SEMA4C: variants seen among roughly 807,000 people sequenced by gnomAD.
SEMA4C encodes semaphorin-4C.
In SEMA4C, 19 loss-of-function variants were observed where a neutral mutation model predicts 89.0. The ratio of observed to expected loss-of-function variants is 0.21; its 90% CI spans 0.15 to 0.31. The LOEUF (loss-of-function observed/expected upper bound fraction) is 0.31. Ranked by LOEUF, SEMA4C falls within the 10% of genes least tolerant of loss-of-function variation. The probability of loss-of-function intolerance (pLI) is 1.00; values close to 1 mark genes in which losing one functional copy is unlikely to be tolerated. For synonymous variants in SEMA4C, 428 were observed against 472.7 expected (o/e 0.91, Z 1.23); for missense variants, 811 against 1,107.0 (o/e 0.73, Z 3.79).
At chr2:96,869,603 G>T (rs1014821164) in intron 1 of SEMA4C, 4 of 985,174 alleles carry the variant, frequency 4.1e-6, no homozygotes, top group Non-Finnish European at 4.8e-6. Context: ...TCCCGGCCGC[G>T]GACCGGACCG....
chr2:96,870,444 G>C (rs534928977), upstream of SEMA4C: 390 of 903,788 alleles, frequency 4.3e-4, 1 homozygote, highest in African/African-American at 6.8e-3. Context: ...ACTCCCGACC[G>C]TGCAGTTGCA....
At chr2:96,865,576 G>T in intron 5 of SEMA4C, 39 bp from the exon 6 acceptor site, 1 of 1,604,602 alleles carries the variant, frequency 6.2e-7, no homozygotes, top group Non-Finnish European at 8.5e-7. Flanking sequence ...GATGCTTAAG[G>T]GCAGGGCTCT....
intron 1 of SEMA4C, chr2:96,868,378 G>A (rs2080129839): frequency 1.0e-6 from 1 of 986,328 alleles, no homozygotes; most frequent in Non-Finnish European, 1.2e-6. Context: ...GAGGGCATGC[G>A]GTGGGGTAGG....
chr2:96,870,087 G>A (rs1219457109), upstream of SEMA4C: 2 of 965,946 alleles, frequency 2.1e-6, no homozygotes, highest in Non-Finnish European at 2.5e-6. Flanking sequence ...CTCCAGCGCG[G>A]CCGCGGCTCT....
At chr2:96,870,287 G>A, upstream of SEMA4C, 1 of 985,522 alleles carries the variant, frequency 1.0e-6, no homozygotes, top group South Asian at 4.7e-5. Flanking sequence ...AGCAGCCCCG[G>A]GGCTCGGAGT....
Position 96,864,308 on chromosome 2 carries a change from T to G in SEMA4C, c.1037A>C (p.Lys346Thr). 6.2e-7 allele frequency: 1 copy of G among 1,613,984 alleles called. No homozygotes were observed. The highest frequency in any genetic ancestry group is 8.5e-7 in the Non-Finnish European group (1 of 1,180,004). Residue 346 changes from lysine to threonine, a missense_variant, in exon 10 of 15, where the codon AAG becomes ACG. Around this residue, in one of 4 missense-constraint regions of SEMA4C, gnomAD observed 441 missense variants for 664.9 expected, o/e 0.66. Coordinates refer to ENST00000305476, the MANE Select transcript of SEMA4C (RefSeq NM_017789.5). This position sits in a 1 kb window ranked among gnomAD's most constrained non-coding sequence, Gnocchi z 6.3. ...CTTCTGGGCTTCCTCATGGTACTCC[T>G]TATAGGGGCCCTCAAACACCCGCTG... ...EIQRVFEGPY[K>T]EYHEEAQKWD...
intron 12 of SEMA4C, chr2:96,863,420 G>A: frequency 8.1e-7 from 1 of 1,242,130 alleles, no homozygotes; most frequent in Non-Finnish European, 1.0e-6. Context: ...AAACATGGGA[G>A]CAGTTGCCAA....
At chr2:96,869,299 G>C in intron 1 of SEMA4C, 1 of 985,394 alleles carries the variant, frequency 1.0e-6, no homozygotes, top group Non-Finnish European at 1.2e-6. Flanking sequence ...GAGGGGTTGG[G>C]GGGAGGGGTG....
At position 96,861,319 on chromosome 2, in the gene SEMA4C, G is replaced by A. The variant is rs1351534989; in HGVS notation, c.1809C>T (p.Phe603=). The change falls in exon 15 of 15, where the codon TTC becomes TTT. Residue 603 remains phenylalanine (F), a synonymous_variant. Coordinates refer to ENST00000305476, the MANE Select transcript of SEMA4C (RefSeq NM_017789.5). This position sits in a 1 kb window ranked among gnomAD's most constrained non-coding sequence, Gnocchi z 7.8. ...GGGCCTGGAGCCGGGCATCGTAGAG[G>A]AAGGACCCGGGCTGTTCCGCAGGCA... ...RDLPAEQPGS[F]LYDARLQALV... 5 of 1,607,326 alleles carry A rather than the reference G, an allele frequency of 3.1e-6. No homozygotes were observed. In the East Asian group the frequency reaches 1.1e-4, roughly 36 times the overall value.
chr2:96,864,138 T>C lies in SEMA4C; in HGVS notation c.1118A>G (p.Asn373Ser). 6.2e-7 allele frequency: 1 copy of C among 1,612,660 alleles called. No homozygotes were observed. Among genetic ancestry groups the C allele is most frequent in the East Asian group, 2.2e-5 (1 of 44,838 alleles). The stretch of plus-strand genomic sequence containing the variant: ...GGTGTAGCCGTGGCGCCGATGCCAG[T>C]TGTTAATGCACTGGGGGCAGGGTGT... Reference protein sequence around the residue: ...PSPRPGSCINNWHRRHGYTSS... With the variant: ...PSPRPGSCINSWHRRHGYTSS... The change falls in exon 11 of 15, where the codon AAC (asparagine) becomes AGC (serine). Residue 373 changes from asparagine (N) to serine (S), a missense_variant. By Grantham distance (46) the Asn-to-Ser change is conservative. Coordinates refer to ENST00000305476, the MANE Select transcript of SEMA4C (RefSeq NM_017789.5). This position sits in a 1 kb window ranked among gnomAD's most constrained non-coding sequence, Gnocchi z 6.3.
At chr2:96,869,494 G>C in intron 1 of SEMA4C, 1 of 985,280 alleles carries the variant, frequency 1.0e-6, no homozygotes, top group Non-Finnish European at 1.2e-6. Context: ...GGCCGCGGCA[G>C]GGAAATCCGA....
intron 2 of SEMA4C, 59 bp downstream of exon 2, chr2:96,867,719 T>C: frequency 1.3e-6 from 2 of 1,511,398 alleles, no homozygotes; most frequent in Non-Finnish European, 1.8e-6. Flanking sequence ...CAGCACACTA[T>C]GGGGGCAACT....
At chr2:96,863,169 C>T (rs957685611) in intron 12 of SEMA4C, 18 of 876,710 alleles carry the variant, frequency 2.1e-5, no homozygotes, top group African/African-American at 9.1e-5. Flanking sequence ...GAGATCGCGT[C>T]ACTGCACTCT....
At position 96,860,726 on chromosome 2, in the gene SEMA4C, C is replaced by G; in HGVS notation, c.2402G>C (p.Gly801Ala). Residue 801 changes from glycine (G) to alanine (A), a missense_variant, in exon 15 of 15, where the codon GGG (glycine) becomes GCG (alanine). Around this residue, in one of 4 missense-constraint regions of SEMA4C, gnomAD observed 248 missense variants for 269.0 expected, o/e 0.92. Transcript: ENST00000305476. ...GAGCTCAGGCAGGGGGTGCCCGAGCCCTCCCCGGTCCTCCCCTCCTAGTTG... is the reference window on the plus strand; with the variant it reads ...GAGCTCAGGCAGGGGGTGCCCGAGCGCTCCCCGGTCCTCCCCTCCTAGTTG... ...RLQLGGEDRG[G>A]LGHPLPELAD... 1 of 1,613,754 alleles carries G rather than the reference C, an allele frequency of 6.2e-7. No homozygotes were observed. Among genetic ancestry groups the G allele is most frequent in the Non-Finnish European group, 8.5e-7 (1 of 1,179,970 alleles).
In SEMA4C at chr2:96,864,360, T is replaced by A; in HGVS notation, c.985A>T (p.Ile329Phe). 1 of 1,613,860 alleles carries A rather than the reference T, an allele frequency of 6.2e-7. No homozygotes were observed. The highest frequency in any genetic ancestry group is 8.5e-7 in the Non-Finnish European group (1 of 1,180,006). The change falls in exon 10 of 15, where the codon ATC becomes TTC. Residue 329 changes from isoleucine (I) to phenylalanine (F), a missense_variant. Transcript: ENST00000305476. This position sits in a 1 kb window ranked among gnomAD's most constrained non-coding sequence, Gnocchi z 6.3. ...ATCTCTTCCAACTGGTACTCACAGA[T>A]GGCCGACAGGTACATGTCACCCCTG... ...AQWGDMYLSA[I>F]CEYQLEEIQR...
At position 96,864,663 on chromosome 2, in the gene SEMA4C, C is replaced by A. The variant is rs2080028435; in HGVS notation, c.962+42G>T. ...ACCCATGCACCGTCCCTGACCTGAACCCCAGCTCCTCCCCACTCTGTGGGA... is the reference window on the plus strand; with the variant it reads ...ACCCATGCACCGTCCCTGACCTGAAACCCAGCTCCTCCCCACTCTGTGGGA... On this transcript the variant is annotated intron_variant, in intron 9 of 14. Transcript: ENST00000305476. The surrounding 1 kb of genome is among the most constrained non-coding windows in gnomAD (Gnocchi z 6.3). 2 of 1,570,822 alleles carry A rather than the reference C, an allele frequency of 1.3e-6. No homozygotes were observed. Among genetic ancestry groups the A allele is most frequent in the Non-Finnish European group, 1.7e-6 (2 of 1,155,542 alleles).
chr2:96,862,147 G>T, intron 12 of SEMA4C: 1 of 503,232 alleles, frequency 2.0e-6, no homozygotes, highest in Non-Finnish European at 3.6e-6. Flanking sequence ...TTATTAGAAA[G>T]GGATGATGGG....
In SEMA4C at chr2:96,864,873, A is replaced by C; in HGVS notation, c.794T>G (p.Met265Arg). ...CCTCTGCAGGGTCCGTGCGCCCCCC[A>C]TATCGCCCTGGCAGACGGCAAGGGG... The part of the protein sequence containing the change: ...ARVARVCKGD[M>R]GGARTLQRKW... Residue 265 changes from methionine (M) to arginine (R), a missense_variant, in exon 9 of 15, where the codon ATG becomes AGG. Coordinates refer to ENST00000305476, the MANE Select transcript of SEMA4C (RefSeq NM_017789.5). This position sits in a 1 kb window ranked among gnomAD's most constrained non-coding sequence, Gnocchi z 6.3. The C allele has an allele frequency of 1.9e-6, 3 of 1,612,984 alleles. No homozygotes were observed. Among genetic ancestry groups the C allele is most frequent in the Non-Finnish European group, 2.5e-6 (3 of 1,179,624 alleles).
intron 12 of SEMA4C, 29 bp downstream of exon 12, chr2:96,863,652 GA>G: frequency 6.3e-7 from 1 of 1,574,874 alleles, no homozygotes; most frequent in Middle Eastern, 1.7e-4. Flanking sequence ...TAGTGCTGGG[GA>G]CAGTGGCAGA....
Sources: gnomAD v4.1 joint callset for allele counts on GRCh38, gnomAD v4.1.1 for gene constraint, gnomAD v4.1.1 regional missense constraint, Gnocchi (gnomAD v3.1) non-coding constraint, MANE v1.5 for transcripts, NCBI Gene and HGNC (gene_info 2026-07-23, HGNC 2026-07-21) for gene names.